Variants in STRAP observed in about 807,000 individuals in gnomAD.
STRAP encodes the protein serine/threonine kinase receptor associated protein, also known as serine-threonine kinase receptor-associated protein.
A neutral mutation model predicts 47.0 loss-of-function variants in STRAP; 16 were observed. That is an observed-to-expected ratio of 0.34 (90% CI 0.23 to 0.52). The LOEUF is 0.52. STRAP is among the 20% of genes least tolerant of loss of function. The pLI, the probability that STRAP is intolerant of heterozygous loss-of-function variation, is 0.96. For synonymous variants in STRAP, 130 were observed against 142.7 expected (o/e 0.91, Z 0.63); for missense variants, 293 against 420.0 (o/e 0.70, Z 2.64).
intron 7 of STRAP, 30 bp from the exon 8 acceptor site, chr12:15,899,874 A>G (rs775609672): frequency 6.2e-6 from 10 of 1,601,870 alleles, no homozygotes. Flanking sequence ...CTAATAGTTA[A>G]AATTATCTAA....
chr12:15,901,548 TC>T (rs984446488), intron 9 of STRAP, among the ~76,000 whole-genome samples: 3 of 152,216 alleles, frequency 2.0e-5, no homozygotes, highest in Non-Finnish European at 4.4e-5. Flanking sequence ...AGAAGCTAGA[TC>T]ATCTGAGGGC....
At position 15,894,057 on chromosome 12, in the gene STRAP, A is replaced by T; in HGVS notation, c.414A>T (p.Glu138Asp). ...DLNKPEAEPK[E>D]ISGHTSGIKK... ...TTGTTTTATCTCAAGAACCTAAGGA[A>T]ATTAGTGGTCATACTTCTGGTATAA... Residue 138 changes from glutamate (E) to aspartate (D), a missense_variant, in exon 5 of 10, where the codon GAA (glutamate) becomes GAT (aspartate). Coordinates refer to ENST00000419869, the MANE Select transcript of STRAP (RefSeq NM_007178.4). This position sits in a 1 kb window ranked among gnomAD's most constrained non-coding sequence, Gnocchi z 4.9. 6.2e-7 allele frequency: 1 copy of T among 1,612,100 alleles called. No homozygotes were observed. The highest frequency in any genetic ancestry group is 2.2e-5 in the East Asian group (1 of 44,850).
Position 15,899,768 on chromosome 12 carries a change from TTAATTAAG to T in STRAP, c.776-133_776-126del, listed in dbSNP as rs1179746981. 3.1e-5 allele frequency: 24 copies of T among 781,844 alleles called. No individual in the cohort carries two copies. In the African/African-American group the frequency reaches 3.9e-4, roughly 13 times the overall value. The allele number at this position is 781,844 out of a possible 1,614,324, so 48.4% of individuals were successfully genotyped here. ...GATATACCACTTTTGTGATGAGAAA[TTAATTAAG>T]TACAGGTTTTAATGTTTGCCTTAAG... On this transcript the variant is annotated intron_variant, in intron 7 of 9. Coordinates refer to ENST00000419869, the MANE Select transcript of STRAP (RefSeq NM_007178.4).
intron 4 of STRAP, among the ~76,000 whole-genome samples, chr12:15,892,482 G>T (rs917664980): frequency 1.3e-5 from 2 of 151,900 alleles, no homozygotes; most frequent in Non-Finnish European, 2.9e-5. Flanking sequence ...TATATATTTG[G>T]TATCTTTCAG....
chr12:15,897,713 A>AC (rs1948071730), intron 6 of STRAP, among the ~76,000 whole-genome samples, 169 bp from the exon 7 acceptor site: 1 of 118,716 alleles, frequency 8.4e-6, no homozygotes, highest in African/African-American at 3.0e-5. Context: ...TATCCATTTG[A>AC]TTTTTTTTTT....
chr12:15,883,220 T>G (rs1947939168), intron 1 of STRAP: 1 of 1,306,082 alleles, frequency 7.7e-7, no homozygotes, highest in Non-Finnish European at 1.1e-6. Flanking sequence ...TATTCCTTTG[T>G]GGTATTAGCC....
intron 8 of STRAP, among the ~76,000 whole-genome samples, chr12:15,900,493 C>T (rs1326699018): frequency 6.6e-6 from 1 of 151,646 alleles, no homozygotes; most frequent in Non-Finnish European, 1.5e-5. Context: ...CCACTGCACT[C>T]CAGCCTGGGC....
In STRAP at chr12:15,883,793, C is replaced by T. The variant is rs1289723111; in HGVS notation, c.248+117C>T. ...CTGACTCACTGGCTGCCATACAGAA[C>T]GCATGTTTGATCCCACCAAAATTCC... On this transcript the variant is annotated intron_variant, in intron 2 of 9. Coordinates refer to ENST00000419869, the MANE Select transcript of STRAP (RefSeq NM_007178.4). The T allele has an allele frequency of 4.5e-6, 6 of 1,347,024 alleles. No individual in the cohort carries two copies. The African/African-American group carries it at 8.8e-5, about 20-fold the overall frequency. 83.4% of individuals were successfully genotyped at this position (1,347,024 alleles called of 1,614,324 possible). A position where few individuals can be genotyped will look rare whatever the true frequency, so the allele number is the denominator to read the frequency against.
In STRAP at chr12:15,898,098, A is replaced by G. The variant is rs1463604092; in HGVS notation, c.775+80A>G. 2.4e-6 allele frequency: 3 copies of G among 1,253,404 alleles called. No homozygotes were observed. In the African/African-American group the frequency reaches 4.8e-5, roughly 20 times the overall value. The allele number at this position is 1,253,404 out of a possible 1,614,324, so 77.6% of individuals were successfully genotyped here. On this transcript the variant is annotated intron_variant, in intron 7 of 9. Coordinates refer to ENST00000419869, the MANE Select transcript of STRAP (RefSeq NM_007178.4). ...TAATTAACACCTCATTTATATATAT[A>G]TATATGTTACATATATATGTTGAAA... is the stretch of plus-strand genomic sequence containing the variant.
intron 9 of STRAP, 33 bp from the exon 10 acceptor site, chr12:15,902,884 A>ATTT: frequency 2.6e-6 from 2 of 764,360 alleles, no homozygotes; most frequent in East Asian, 3.2e-5. Context: ...GACTAATGTG[A>ATTT]CTTTTTTTTT....
rs151050143 is a variant in STRAP, at chr12:15,901,116, A to G, written c.991+104A>G. The G allele has an allele frequency of 2.7e-5, 21 of 769,382 alleles. No homozygotes were observed. The African/African-American group carries it at 3.4e-4, about 12-fold the overall frequency. The allele number at this position is 769,382 out of a possible 1,614,324, so 47.7% of individuals were successfully genotyped here. A position where few individuals can be genotyped will look rare whatever the true frequency, so the allele number is the denominator to read the frequency against. ...CAGAAGAAATTTATTAAATATGAAC[A>G]TATTTAAATAATGGAAACTTTAAAT... is the stretch of plus-strand genomic sequence containing the variant. On this transcript the variant is annotated intron_variant, in intron 9 of 9. Transcript: ENST00000419869.
chr12:15,892,226 T>C lies in STRAP; in HGVS notation c.403+1557T>C, dbSNP rs146777036. Among the ~76,000 whole-genome samples, 1,068 of 152,314 alleles carry C rather than the reference T, an allele frequency of 7.0e-3. 68 individuals carry two copies. Among genetic ancestry groups the C allele is most frequent in the Admixed American group, 0.064 (984 of 15,286 alleles). ...ATCTGTTGTGTTATTCATGTTTTTC[T>C]TACTGGTTTTTAAAGGTTCTTTATT... On this transcript the variant is annotated intron_variant, in intron 4 of 9. Transcript: ENST00000419869.
rs146470635 is a variant in STRAP at position 15,884,402 on chromosome 12, C to T, written c.248+726C>T. On this transcript the variant is annotated intron_variant, in intron 2 of 9. Coordinates refer to ENST00000419869, the MANE Select transcript of STRAP (RefSeq NM_007178.4). ...CTCTACTAATGATCTTCCTGTCTTCCCTTTGCCATTTTAGTAGTTCATGAC... is the reference window on the plus strand; with the variant it reads ...CTCTACTAATGATCTTCCTGTCTTCTCTTTGCCATTTTAGTAGTTCATGAC... 2.5e-3 allele frequency among the ~76,000 whole-genome samples: 387 copies of T among 152,158 alleles called. 2 individuals carry two copies. Among genetic ancestry groups the T allele is most frequent in the African/African-American group, 9.0e-3 (372 of 41,496 alleles).
chr12:15,884,935 C>G (rs1421328961), intron 2 of STRAP, among the ~76,000 whole-genome samples: 1 of 152,094 alleles, frequency 6.6e-6, no homozygotes, highest in Non-Finnish European at 1.5e-5. Context: ...CTTATTGTTG[C>G]CAGAATATAC....
intron 6 of STRAP, among the ~76,000 whole-genome samples, chr12:15,897,453 A>G (rs1465033327): frequency 1.3e-5 from 2 of 152,206 alleles, no homozygotes; most frequent in Admixed American, 1.3e-4. Context: ...AATTAATAAT[A>G]ATATATAAAT....
At chr12:15,885,644 T>C (rs1454964118) in intron 2 of STRAP, among the ~76,000 whole-genome samples, 1 of 151,690 alleles carries the variant, frequency 6.6e-6, no homozygotes, top group Non-Finnish European at 1.5e-5. Flanking sequence ...CTCTTGTTTA[T>C]TGAAACAGTG....
Position 15,883,285 on chromosome 12 carries a change from A to G in STRAP, c.113-256A>G, listed in dbSNP as rs573635175. ...GGCTAAGATGTCTGTCCAAAATAAG[A>G]CTAAAATCTAGATTGTTTTGACGCA... On this transcript the variant is annotated intron_variant, in intron 1 of 9. Transcript: ENST00000419869. Among the ~76,000 whole-genome samples, 24 of 152,342 alleles carry G rather than the reference A, an allele frequency of 1.6e-4. No individual in the cohort carries two copies. In the East Asian group the frequency reaches 4.2e-3, roughly 27 times the overall value.
At chr12:15,901,729 C>T (rs1040199849) in intron 9 of STRAP, among the ~76,000 whole-genome samples, 4 of 151,792 alleles carry the variant, frequency 2.6e-5, no homozygotes, top group Non-Finnish European at 4.4e-5. Flanking sequence ...GTCATGGTGG[C>T]AGATACCTGT....
intron 1 of STRAP, chr12:15,883,168 C>A (rs1197426859): frequency 2.0e-6 from 3 of 1,519,484 alleles, no homozygotes; most frequent in African/African-American, 1.4e-5. Context: ...TAGGCCAGGC[C>A]GTGCAATACC....
Sources: gnomAD v4.1 joint callset for allele counts (sites outside exome capture counted in the v4.1 genomes callset) on GRCh38, gnomAD v4.1.1 for gene constraint, Gnocchi (gnomAD v3.1) non-coding constraint, MANE v1.5 for transcripts, NCBI Gene and HGNC (gene_info 2026-07-23, HGNC 2026-07-21) for gene names.